The following B3GALT1 variants were observed in gnomAD, a reference collection of about 807,000 sequenced individuals.
B3GALT1 encodes beta-1,3-galactosyltransferase 1, also known as UDP-Gal:betaGlcNAc beta 1,3-galactosyltransferase, polypeptide 1.
B3GALT1 carries 10 observed loss-of-function variants against 23.2 expected under a neutral mutation model. The ratio of observed to expected loss-of-function variants is 0.43; its 90% CI spans 0.27 to 0.73. B3GALT1 has a LOEUF of 0.73. Ranked by LOEUF, B3GALT1 falls within the 30% of genes least tolerant of loss-of-function variation. The pLI, the probability that B3GALT1 is intolerant of heterozygous loss-of-function variation, is 0.21. For synonymous variants in B3GALT1, 156 were observed against 141.5 expected (o/e 1.10, Z -0.73); for missense variants, 299 against 405.4 (o/e 0.74, Z 2.25).
At chr2:167,339,669 G>A (rs1697117471) in intron 1 of B3GALT1, among the ~76,000 whole-genome samples, 1 of 152,130 alleles carries the variant, frequency 6.6e-6, no homozygotes, top group African/African-American at 2.4e-5. Context: ...ATAAGCAAAT[G>A]AATGTTTCAG....
chr2:167,612,994 CA>C (rs1241430027), intron 2 of B3GALT1, among the ~76,000 whole-genome samples: 1 of 151,828 alleles, frequency 6.6e-6, no homozygotes, highest in African/African-American at 2.4e-5. Flanking sequence ...GTGTTTTGTT[CA>C]ATGTATCCTA....
At chr2:167,540,908 A>T (rs781461768) in intron 2 of B3GALT1, among the ~76,000 whole-genome samples, 2 of 152,220 alleles carry the variant, frequency 1.3e-5, no homozygotes, top group Non-Finnish European at 2.9e-5. Flanking sequence ...AATTATTGAA[A>T]TGATCACTTT....
chr2:167,752,358 C>G (rs1687751988), intron 3 of B3GALT1, among the ~76,000 whole-genome samples: 1 of 152,048 alleles, frequency 6.6e-6, no homozygotes, highest in African/African-American at 2.4e-5. Context: ...TTGCAGTGTA[C>G]TTACAAATGA....
intron 1 of B3GALT1, among the ~76,000 whole-genome samples, chr2:167,430,007 G>A (rs113106690): frequency 0.025 from 3,847 of 152,322 alleles, 74 homozygotes; most frequent in Non-Finnish European, 0.038. Context: ...AGACTAGGGA[G>A]AGGCAGATAA....
chr2:167,354,559 A>G (rs577418041), intron 1 of B3GALT1, among the ~76,000 whole-genome samples: 32 of 152,016 alleles, frequency 2.1e-4, no homozygotes, highest in Middle Eastern at 3.4e-3. Context: ...GTTGGCCAGG[A>G]TGGTCTCGGT....
intron 3 of B3GALT1, among the ~76,000 whole-genome samples, chr2:167,776,160 G>A (rs918127894): frequency 6.6e-6 from 1 of 151,908 alleles, no homozygotes; most frequent in African/African-American, 2.4e-5. Flanking sequence ...TTGTAGACCT[G>A]GATATGGTCT....
At chr2:167,734,160 T>C (rs542953245) in intron 3 of B3GALT1, among the ~76,000 whole-genome samples, 19 of 152,184 alleles carry the variant, frequency 1.2e-4, no homozygotes, top group Non-Finnish European at 2.1e-4. Context: ...TAAAAAATAT[T>C]GGTTGCTATA....
chr2:167,440,857 C>G (rs961139547), intron 1 of B3GALT1, among the ~76,000 whole-genome samples: 1 of 151,820 alleles, frequency 6.6e-6, no homozygotes, highest in African/African-American at 2.4e-5. Context: ...CTAATTTGAT[C>G]TTTTTTTCAT....
intron 2 of B3GALT1, among the ~76,000 whole-genome samples, chr2:167,590,761 A>G (rs1435174492): frequency 6.6e-6 from 1 of 152,216 alleles, no homozygotes; most frequent in African/African-American, 2.4e-5. Flanking sequence ...TATATGAAAA[A>G]TTAAAATGTT....
intron 1 of B3GALT1, among the ~76,000 whole-genome samples, chr2:167,391,469 A>G (rs1009944486): frequency 6.6e-6 from 1 of 152,220 alleles, no homozygotes; most frequent in Admixed American, 6.5e-5. Context: ...GAACACTTAT[A>G]TGAATCATGG....
At chr2:167,583,559 A>G (rs1684526654) in intron 2 of B3GALT1, among the ~76,000 whole-genome samples, 1 of 152,186 alleles carries the variant, frequency 6.6e-6, no homozygotes, top group African/African-American at 2.4e-5. Flanking sequence ...ATTCATCTTT[A>G]CAGATCAGTA....
intron 4 of B3GALT1, among the ~76,000 whole-genome samples, chr2:167,843,706 C>T (rs143251377): frequency 4.2e-4 from 64 of 152,254 alleles, no homozygotes; most frequent in African/African-American, 1.4e-3. Context: ...GACTTAGTGC[C>T]GTTCTGTGTA....
chr2:167,318,066 G>A (rs938989341), intron 1 of B3GALT1, among the ~76,000 whole-genome samples: 3 of 152,014 alleles, frequency 2.0e-5, no homozygotes, highest in African/African-American at 7.2e-5. Flanking sequence ...GGTGGCTCAC[G>A]CCTGTAATCC....
At chr2:167,516,556 A>G (rs762959548) in intron 2 of B3GALT1, among the ~76,000 whole-genome samples, 2 of 152,070 alleles carry the variant, frequency 1.3e-5, no homozygotes, top group East Asian at 1.9e-4. Flanking sequence ...CTTAAACTCT[A>G]TAGGCCTCTA....
rs150853512 is a variant in B3GALT1, at chr2:167,722,140, G to A, written c.-352+75174G>A. 3.0e-4 allele frequency among the ~76,000 whole-genome samples: 45 copies of A among 152,272 alleles called. No homozygotes were observed. In the East Asian group the frequency reaches 7.9e-3, roughly 27 times the overall value. On this transcript the variant is annotated intron_variant, in intron 3 of 4. Coordinates refer to ENST00000392690, the MANE Select transcript of B3GALT1 (RefSeq NM_020981.4). ...AATGTTAATTCTAGTACCAGTACTC[G>A]TTTACTTGGAATCTTTGTATAATGA...
chr2:167,757,295 C>T (rs2105293746), intron 3 of B3GALT1, among the ~76,000 whole-genome samples: 1 of 152,246 alleles, frequency 6.6e-6, no homozygotes, highest in South Asian at 2.1e-4. Flanking sequence ...AATCATTACT[C>T]TGTATGCCAA....
At chr2:167,772,686 C>G (rs2105310132) in intron 3 of B3GALT1, among the ~76,000 whole-genome samples, 1 of 152,296 alleles carries the variant, frequency 6.6e-6, no homozygotes, top group Middle Eastern at 3.4e-3. Context: ...TTTGCAATTA[C>G]CAGATTAAAG....
At chr2:167,743,587 T>C (rs1227983301) in intron 3 of B3GALT1, among the ~76,000 whole-genome samples, 2 of 152,106 alleles carry the variant, frequency 1.3e-5, no homozygotes, top group Non-Finnish European at 2.9e-5. Context: ...ACTATTTCAC[T>C]TTTCTATATT....
intron 2 of B3GALT1, among the ~76,000 whole-genome samples, chr2:167,560,368 C>A (rs1403675663): frequency 1.3e-5 from 2 of 151,960 alleles, no homozygotes; most frequent in Non-Finnish European, 2.9e-5. Context: ...AATATAAAGA[C>A]CATCGAGACT....
Sources: gnomAD v4.1 joint callset for allele counts (sites outside exome capture counted in the v4.1 genomes callset) on GRCh38, gnomAD v4.1.1 for gene constraint, MANE v1.5 for transcripts, NCBI Gene and HGNC (gene_info 2026-07-23, HGNC 2026-07-21) for gene names.